TTN: variants seen among roughly 807,000 people sequenced by gnomAD.
TTN encodes the protein titin, also known as connectin.
TTN carries 1,525 observed loss-of-function variants against 3,223.0 expected under a neutral mutation model. That is an observed-to-expected ratio of 0.47 (90% CI 0.45 to 0.49). The LOEUF (loss-of-function observed/expected upper bound fraction) is 0.49, where lower values mean the gene tolerates loss of function less well. Among genes scored for constraint, TTN ranks in the 20% least tolerant of loss-of-function variants. The probability of loss-of-function intolerance (pLI) is 0.00; values close to 1 mark genes in which losing one functional copy is unlikely to be tolerated. For missense variants in TTN, 40,786 were observed against 43,424.0 expected (o/e 0.94, Z 5.40); for synonymous variants, 14,094 against 15,161.0 (o/e 0.93, Z 5.17).
chr2:178,724,347 C>T lies in TTN; in HGVS notation c.21028G>A (p.Val7010Ile), dbSNP rs564660466. The change falls in exon 72 of 363, where the codon GTT (valine) becomes ATT (isoleucine). Residue 7010 changes from valine to isoleucine, a missense_variant. Physicochemically the swap from Val to Ile is conservative, Grantham distance 29 (BLOSUM62 3). Coordinates refer to ENST00000589042, the MANE Select transcript of TTN (RefSeq NM_001267550.2). ...TATGTGCCTGCATCTTGCCTTTCAA[C>T]TGAGAGAATCCTTAAGGAAGAGATT... ...NKISSLRILS[V>I]ERQDAGTYTF... 1.2e-5 allele frequency: 20 copies of T among 1,613,584 alleles called. No individual in the cohort carries two copies. The East Asian group carries it at 2.2e-4, about 18-fold the overall frequency.
chr2:178,745,293 T>G, intron 47 of TTN: 2 of 1,229,230 alleles, frequency 1.6e-6, no homozygotes, highest in South Asian at 2.0e-5. Flanking sequence ...GGAGGAGGCA[T>G]GAGGGTAAAT....
In TTN at chr2:178,692,421, T is replaced by C. The variant is rs1474483234; in HGVS notation, c.31678+76A>G. 6 of 1,297,904 alleles carry C rather than the reference T, an allele frequency of 4.6e-6. No homozygotes were observed. The African/African-American group carries it at 8.8e-5, about 19-fold the overall frequency. 80.4% of individuals were successfully genotyped at this position (1,297,904 alleles called of 1,614,324 possible). On this transcript the variant is annotated intron_variant, in intron 120 of 362. Transcript: ENST00000589042. ...TATAGATGGTTTACAGATGCTATTT[T>C]GTTAATACACAGATCTTATAGAAAA...
chr2:178,807,121 T>TACA (rs1298966954), intron 1 of TTN, 91 bp downstream of exon 1: 1 of 152,180 alleles, frequency 6.6e-6, no homozygotes, highest in African/African-American at 2.4e-5. Flanking sequence ...CAAACACTTG[T>TACA]ACATAGGCAT....
Position 178,692,117 on chromosome 2 carries a change from T to G in TTN, c.31679-18A>C, listed in dbSNP as rs2072605617. The stretch of plus-strand genomic sequence containing the variant: ...CTCAGGAACTTTAAAGATACAATTG[T>G]TGAAATAATGTGGAATATTCTAGTC... On this transcript the variant is annotated intron_variant, in intron 120 of 362. Coordinates refer to ENST00000589042, the MANE Select transcript of TTN (RefSeq NM_001267550.2). 6.2e-7 allele frequency: 1 copy of G among 1,606,818 alleles called. No individual in the cohort carries two copies. Among genetic ancestry groups the G allele is most frequent in the Admixed American group, 1.7e-5 (1 of 59,824 alleles).
At position 178,592,659 on chromosome 2, in the gene TTN, T is replaced by G; in HGVS notation, c.59346A>C (p.Glu19782Asp). 2 of 1,612,506 alleles carry G rather than the reference T, an allele frequency of 1.2e-6. No individual in the cohort carries two copies. Among genetic ancestry groups the G allele is most frequent in the Admixed American group, 1.7e-5 (1 of 59,834 alleles). Reference sequence around the variant, plus strand: ...TGGCATCAAGAATCAACTCAGGGGGTTCTAGAATAAAGAGAACAGAACACT... The same window carrying G: ...TGGCATCAAGAATCAACTCAGGGGGGTCTAGAATAAAGAGAACAGAACACT... ...PEPVLVKDRL[E>D]PPELILDANM... Residue 19782 changes from glutamate to aspartate, a missense_variant and splice_region_variant, in exon 301 of 363, where the codon GAA becomes GAC. Coordinates refer to ENST00000589042, the MANE Select transcript of TTN (RefSeq NM_001267550.2).
intron 335 of TTN, 60 bp from the exon 336 acceptor site, chr2:178,551,320 C>T: frequency 7.4e-7 from 1 of 1,347,554 alleles, no homozygotes; most frequent in East Asian, 2.5e-5. Context: ...CTTAATCATC[C>T]ATGGAAGAAC....
At chr2:178,788,141 AT>A (rs2093305068) in intron 13 of TTN, among the ~76,000 whole-genome samples, 1 of 152,076 alleles carries the variant, frequency 6.6e-6, no homozygotes, top group Non-Finnish European at 1.5e-5. Flanking sequence ...TGATGATGAA[AT>A]GGGATGAAAC....
At position 178,728,690 on chromosome 2, in the gene TTN, T is replaced by C; in HGVS notation, c.19236A>G (p.Pro6412=). 4 of 1,613,422 alleles carry C rather than the reference T, an allele frequency of 2.5e-6. No individual in the cohort carries two copies. The highest frequency in any genetic ancestry group is 3.4e-6 in the Non-Finnish European group (4 of 1,179,576). ...CTTTAAGCCATTTCACTTTGAGTTC[T>C]GGTGTTCCAGCCACAACACATTCCA... is the stretch of plus-strand genomic sequence containing the variant. ...MTLECVVAGT[P]ELKVKWLKDG... Residue 6412 remains proline (P), a synonymous_variant, in exon 66 of 363, where the codon CCA becomes CCG. Transcript: ENST00000589042.
rs753700390 is a variant in TTN at position 178,672,680 on chromosome 2, T to C, written c.34810A>G (p.Lys11604Glu). Residue 11604 changes from lysine (K) to glutamate (E), a missense_variant, in exon 153 of 363, where the codon AAA becomes GAA. Lys to Glu is a moderately conservative substitution (Grantham distance 56). Transcript: ENST00000589042. Reference sequence around the variant, plus strand: ...TTTTTCTGAACAGGAACAGGTACTTTTTCCTCAGGAATTTTCTTTGACACT... The same window carrying C: ...TTTTTCTGAACAGGAACAGGTACTTCTTCCTCAGGAATTTTCTTTGACACT... ...AKVSKKIPEEKVPVPVQKKEA... is the reference protein window; with the variant it reads ...AKVSKKIPEEEVPVPVQKKEA... 1.2e-6 allele frequency: 2 copies of C among 1,608,478 alleles called. No individual in the cohort carries two copies. Among genetic ancestry groups the C allele is most frequent in the East Asian group, 4.5e-5 (2 of 44,770 alleles).
At position 178,552,251 on chromosome 2, in the gene TTN, T is replaced by C. The variant is rs1184438551; in HGVS notation, c.90649A>G (p.Ile30217Val). The change falls in exon 335 of 363, where the codon ATT becomes GTT. Residue 30217 changes from isoleucine to valine, a missense_variant. Coordinates refer to ENST00000589042, the MANE Select transcript of TTN (RefSeq NM_001267550.2). Reference sequence around the variant, plus strand: ...GGTGGGCCAAGGGTGATGACTGTAATGGGGACTGCAATTCTACACACTGCA... The same window carrying C: ...GGTGGGCCAAGGGTGATGACTGTAACGGGGACTGCAATTCTACACACTGCA... ...DNAVCRIAVP[I>V]TVITLGPPSK... The C allele has an allele frequency of 1.5e-5, 24 of 1,613,448 alleles. No homozygotes were observed. The highest frequency in any genetic ancestry group is 2.0e-5 in the Non-Finnish European group (24 of 1,179,704).
rs1457411847 is a variant in TTN, at chr2:178,729,679, C to T, written c.18574G>A (p.Glu6192Lys). 2 of 1,613,610 alleles carry T rather than the reference C, an allele frequency of 1.2e-6. No individual in the cohort carries two copies. The highest frequency in any genetic ancestry group is 1.7e-6 in the Non-Finnish European group (2 of 1,179,722). The change falls in exon 63 of 363, where the codon GAA (glutamate) becomes AAA (lysine). Residue 6192 changes from glutamate (E) to lysine (K), a missense_variant. Physicochemically the swap from Glu to Lys is moderately conservative, Grantham distance 56. Coordinates refer to ENST00000589042, the MANE Select transcript of TTN (RefSeq NM_001267550.2). The stretch of plus-strand genomic sequence containing the variant: ...ATTCACGAACCTTTCACTTTGAGTT[C>T]AATGCTGCAGCTCGCCGTGCCTGCG... Reference protein sequence around the residue: ...NDAGTASCSIELKVKEPPTFI... With the variant: ...NDAGTASCSIKLKVKEPPTFI...
chr2:178,702,215 G>A lies in TTN; in HGVS notation c.30464C>T (p.Pro10155Leu). The change falls in exon 108 of 363, where the codon CCA becomes CTA. Residue 10155 changes from proline (P) to leucine (L), a missense_variant. Coordinates refer to ENST00000589042, the MANE Select transcript of TTN (RefSeq NM_001267550.2). ...TGCCGTGCTTCTTGCTTCACCTCTTGGCTCCAGCCGAGCGATGACCGAGTA... is the reference window on the plus strand; with the variant it reads ...TGCCGTGCTTCTTGCTTCACCTCTTAGCTCCAGCCGAGCGATGACCGAGTA... Reference protein sequence around the residue: ...GVYSVIARLEPRGEARSTAEL... With the variant: ...GVYSVIARLELRGEARSTAEL... 6.2e-7 allele frequency: 1 copy of A among 1,613,938 alleles called. No homozygotes were observed. The highest frequency in any genetic ancestry group is 8.5e-7 in the Non-Finnish European group (1 of 1,179,886).
At position 178,599,351 on chromosome 2, in the gene TTN, C is replaced by T. The variant is rs527288838; in HGVS notation, c.56442G>A (p.Gly18814=). The stretch of plus-strand genomic sequence containing the variant: ...CAATTACATAGTTTGTAATCTTAGA[C>T]CCACCATCATCTTTAGGTGGAAACC... ...LSWFPPKDDG[G]SKITNYVIEK... Residue 18814 remains glycine (G), a synonymous_variant, in exon 290 of 363, where the codon GGG becomes GGA. Transcript: ENST00000589042. 3.7e-6 allele frequency: 6 copies of T among 1,607,368 alleles called. No homozygotes were observed. The East Asian group carries it at 1.3e-4, about 36-fold the overall frequency.
In TTN at chr2:178,719,839, G is replaced by C. The variant is rs771244164; in HGVS notation, c.23660-7C>G. 1 of 1,597,716 alleles carries C rather than the reference G, an allele frequency of 6.3e-7. No homozygotes were observed. ...TCTATGATTCTTGCTGGTTCTAAAA[G>C]AAGAAGTATTTTGCATTGAAAACAA... is the stretch of plus-strand genomic sequence containing the variant. On this transcript the variant is annotated splice_polypyrimidine_tract_variant and splice_region_variant and intron_variant, in intron 81 of 362. Transcript: ENST00000589042.
rs749203945 is a variant in TTN at position 178,778,953 on chromosome 2, C to T, written c.4129G>A (p.Gly1377Arg). ...GCAGCAGGCTCCACATACAATTTCC[C>T]TGAGCAAATTGCATTTCCTTTAATA... ...SNIKGNAICS[G>R]KLYVEPAAPL... The change falls in exon 24 of 363, where the codon GGG (glycine) becomes AGG (arginine). Residue 1377 changes from glycine to arginine, a missense_variant. Coordinates refer to ENST00000589042, the MANE Select transcript of TTN (RefSeq NM_001267550.2). 6.2e-7 allele frequency: 1 copy of T among 1,614,000 alleles called. No homozygotes were observed.
rs959952502 is a variant in TTN, at chr2:178,722,324, T to A, written c.22463A>T (p.Gln7488Leu). The A allele has an allele frequency of 5.6e-6, 9 of 1,612,904 alleles. No homozygotes were observed. The change falls in exon 77 of 363, where the codon CAG becomes CTG. Residue 7488 changes from glutamine to leucine, a missense_variant. By Grantham distance (113) the Gln-to-Leu change is moderately radical. Transcript: ENST00000589042. ...ILQTDLSHSG[Q>L]YSCSASNPLG... ...TGGGTTGGAAGCTGAGCAAGAGTAC[T>A]GGCCAGAGTGACTCAAGTCAGTTTG...
chr2:178,557,447 TA>T lies in TTN; in HGVS notation c.87814del (p.Tyr29272IlefsTer5). Reference protein sequence around the residue: ...VSNGGSAVVGYHLEMKDRNSI... With the variant: ...VSNGGSAVVGXHLEMKDRNSI... ...GTTTCTGTCTTTCATTTCCAGGTGA[TA>T]GCCTACGACTGCACTGCCTCCATTT... On this transcript the variant is annotated frameshift_variant, in exon 329 of 363. Transcript: ENST00000589042. LOFTEE classifies it high-confidence loss of function. 6.2e-7 allele frequency: 1 copy of T among 1,613,972 alleles called. No individual in the cohort carries two copies. Among genetic ancestry groups the T allele is most frequent in the Non-Finnish European group, 8.5e-7 (1 of 1,179,852 alleles).
At chr2:178,611,722 C>G in intron 268 of TTN, 36 bp downstream of exon 268, 1 of 1,611,678 alleles carries the variant, frequency 6.2e-7, no homozygotes, top group South Asian at 1.1e-5. Flanking sequence ...TCATCAAGTT[C>G]TAGACAATAT....
chr2:178,646,687 G>A, intron 215 of TTN, 128 bp from the exon 216 acceptor site: 1 of 575,054 alleles, frequency 1.7e-6, no homozygotes, highest in South Asian at 2.9e-5. Flanking sequence ...ACAAATTCAT[G>A]TATAGAAAAA....
Sources: allele counts gnomAD v4.1 joint callset (sites outside exome capture counted in the v4.1 genomes callset), GRCh38; gene constraint gnomAD v4.1.1; transcripts MANE v1.5; gene names NCBI Gene and HGNC (gene_info 2026-07-23, HGNC 2026-07-21).